The following ADAMTSL1 variants were observed in gnomAD, a reference collection of about 807,000 sequenced individuals.
ADAMTSL1 encodes the protein ADAMTS-like protein 1.
A neutral mutation model predicts 201.8 loss-of-function variants in ADAMTSL1; 126 were observed. The observed-to-expected ratio is 0.62, with a 90% CI of 0.54 to 0.72. ADAMTSL1 has a LOEUF of 0.72. Ranked by LOEUF, ADAMTSL1 falls within the 30% of genes least tolerant of loss-of-function variation. The probability of loss-of-function intolerance (pLI) is 0.00; values close to 1 mark genes in which losing one functional copy is unlikely to be tolerated. For synonymous variants in ADAMTSL1, 1,121 were observed against 903.4 expected (o/e 1.24, Z -4.32); for missense variants, 2,679 against 2,277.8 (o/e 1.18, Z -3.59).
chr9:18,418,366 G>A (rs893029221), intron 2 of ADAMTSL1, among the ~76,000 whole-genome samples: 30 of 152,242 alleles, frequency 2.0e-4, no homozygotes, highest in African/African-American at 5.8e-4. Flanking sequence ...CCTAGCCAAT[G>A]CAGTAAGTAA....
At chr9:18,886,954 C>G (rs537208510) in intron 23 of ADAMTSL1, among the ~76,000 whole-genome samples, 1 of 152,292 alleles carries the variant, frequency 6.6e-6, no homozygotes, top group Admixed American at 6.5e-5. Flanking sequence ...TCTTAATTAT[C>G]TTAACTGTCC....
chr9:18,436,306 A>G (rs937218777), intron 2 of ADAMTSL1, among the ~76,000 whole-genome samples: 3 of 152,084 alleles, frequency 2.0e-5, no homozygotes, highest in African/African-American at 4.8e-5. Flanking sequence ...ACACCTCTCT[A>G]TGGTCAGTGT....
intron 1 of ADAMTSL1, among the ~76,000 whole-genome samples, chr9:17,915,981 ATGATCTTGGCTCAC>A (rs1192274656): frequency 6.6e-6 from 1 of 151,866 alleles, no homozygotes; most frequent in Non-Finnish European, 1.5e-5. Flanking sequence ...GTGCAGTGGC[ATGATCTTGGCTCAC>A]TGAAACCTCC....
chr9:18,795,301 A>T, intron 19 of ADAMTSL1, 96 bp from the exon 20 acceptor site: 6 of 1,516,668 alleles, frequency 4.0e-6, no homozygotes, highest in Non-Finnish European at 5.4e-6. Context: ...AGGGTTCTGC[A>T]TACACCCTGA....
intron 2 of ADAMTSL1, among the ~76,000 whole-genome samples, chr9:18,384,395 A>T (rs1174831086): frequency 6.6e-6 from 1 of 152,118 alleles, no homozygotes; most frequent in African/African-American, 2.4e-5. Flanking sequence ...CAACATTGGG[A>T]ATTACAATTC....
chr9:18,117,477 A>T (rs1468787315), intron 1 of ADAMTSL1, among the ~76,000 whole-genome samples: 1 of 152,062 alleles, frequency 6.6e-6, no homozygotes, highest in Non-Finnish European at 1.5e-5. Context: ...CTTCCTCCAG[A>T]TACACCCAAG....
chr9:18,587,384 C>T (rs1823577003), intron 4 of ADAMTSL1, among the ~76,000 whole-genome samples: 1 of 152,096 alleles, frequency 6.6e-6, no homozygotes, highest in African/African-American at 2.4e-5. Flanking sequence ...TAGAGAAATA[C>T]AAATCAAAAC....
At chr9:18,271,130 T>C (rs1392035436) in intron 2 of ADAMTSL1, among the ~76,000 whole-genome samples, 7 of 152,162 alleles carry the variant, frequency 4.6e-5, no homozygotes, top group Admixed American at 4.6e-4. Context: ...CTCTAACAAA[T>C]AGAGGAGATA....
chr9:18,829,267 G>T (rs144448432), intron 22 of ADAMTSL1, among the ~76,000 whole-genome samples: 2 of 152,130 alleles, frequency 1.3e-5, no homozygotes, highest in Non-Finnish European at 2.9e-5. Flanking sequence ...TCTCCTCCCT[G>T]CTTTATCTAG....
At chr9:18,136,178 C>T (rs182348611) in intron 1 of ADAMTSL1, among the ~76,000 whole-genome samples, 40 of 152,258 alleles carry the variant, frequency 2.6e-4, no homozygotes, top group Admixed American at 1.1e-3. Flanking sequence ...CCTGGCTGCA[C>T]ATCAGAATCA....
At chr9:18,692,944 G>A (rs1831321716) in intron 13 of ADAMTSL1, among the ~76,000 whole-genome samples, 1 of 152,156 alleles carries the variant, frequency 6.6e-6, no homozygotes, top group African/African-American at 2.4e-5. Flanking sequence ...AAGAAAGATG[G>A]TCTGAAACAA....
chr9:18,468,085 A>C (rs1218494660), intron 2 of ADAMTSL1, among the ~76,000 whole-genome samples: 1 of 152,230 alleles, frequency 6.6e-6, no homozygotes, highest in African/African-American at 2.4e-5. Context: ...TCTCTATTTC[A>C]AAAAGGCTAC....
At chr9:18,004,586 A>G (rs1292834018) in intron 1 of ADAMTSL1, among the ~76,000 whole-genome samples, 1 of 152,064 alleles carries the variant, frequency 6.6e-6, no homozygotes, top group Non-Finnish European at 1.5e-5. Context: ...TCTCACACCC[A>G]TAGCATGACA....
At chr9:18,371,051 A>G (rs1397003644) in intron 2 of ADAMTSL1, among the ~76,000 whole-genome samples, 1 of 152,120 alleles carries the variant, frequency 6.6e-6, no homozygotes, top group African/African-American at 2.4e-5. Flanking sequence ...TTATTTTTTT[A>G]ATTGCTATAT....
At chr9:18,018,022 T>C (rs1820328810) in intron 1 of ADAMTSL1, among the ~76,000 whole-genome samples, 1 of 152,198 alleles carries the variant, frequency 6.6e-6, no homozygotes, top group South Asian at 2.1e-4. Context: ...CTGCAGCTAG[T>C]GACCTCTTTT....
intron 4 of ADAMTSL1, among the ~76,000 whole-genome samples, chr9:18,613,172 A>T (rs965152993): frequency 3.9e-5 from 6 of 152,228 alleles, no homozygotes; most frequent in African/African-American, 1.4e-4. Context: ...ATAGCATTTC[A>T]CACCAGTCAG....
intron 4 of ADAMTSL1, among the ~76,000 whole-genome samples, chr9:18,612,561 C>G (rs1482714918): frequency 6.6e-6 from 1 of 151,996 alleles, no homozygotes; most frequent in African/African-American, 2.4e-5. Flanking sequence ...AATAGAGAAC[C>G]CAGAAATAAG....
chr9:18,475,640 G>A (rs977519022), intron 1 of ADAMTSL1, among the ~76,000 whole-genome samples: 8 of 152,156 alleles, frequency 5.3e-5, no homozygotes, highest in African/African-American at 1.7e-4. Flanking sequence ...GAATGTTTAG[G>A]TATGCTTTAT....
intron 23 of ADAMTSL1, among the ~76,000 whole-genome samples, chr9:18,865,170 C>T (rs1048569819): frequency 1.3e-5 from 2 of 152,132 alleles, no homozygotes; most frequent in African/African-American, 2.4e-5. Flanking sequence ...AGGTATATCT[C>T]CTAATGCTAT....
Sources: gnomAD v4.1 joint callset for allele counts (sites outside exome capture counted in the v4.1 genomes callset) on GRCh38, gnomAD v4.1.1 for gene constraint, MANE v1.5 for transcripts, NCBI Gene and HGNC (gene_info 2026-07-23, HGNC 2026-07-21) for gene names.